Variants in AHDC1 observed in about 807,000 individuals in gnomAD.
AHDC1 encodes the protein transcription factor Gibbin.
Under a neutral mutation model 87.9 loss-of-function variants are expected in AHDC1, and 7 were observed. The observed-to-expected ratio is 0.08, with a 90% CI of 0.05 to 0.15. AHDC1 has a LOEUF of 0.15. Among genes scored for constraint, AHDC1 ranks in the 10% least tolerant of loss-of-function variants. The pLI, the probability that AHDC1 is intolerant of heterozygous loss-of-function variation, is 1.00. For missense variants in AHDC1, 1,841 were observed against 2,253.2 expected, an observed-to-expected ratio of 0.82 and a Z score of 3.70; for synonymous variants, 1,051 against 1,006.8, an observed-to-expected ratio of 1.04 and a Z score of -0.83.
At chr1:27,579,038 C>A (rs1046424935) in intron 3 of AHDC1, among the ~76,000 whole-genome samples, 1 of 147,070 alleles carries the variant, frequency 6.8e-6, no homozygotes, top group Admixed American at 6.8e-5. Flanking sequence ...TAGTCCTGTT[C>A]TAAATCTTTT....
intron 5 of AHDC1, among the ~76,000 whole-genome samples, chr1:27,554,213 G>C (rs1431747559): frequency 2.0e-5 from 3 of 152,192 alleles, no homozygotes; most frequent in African/African-American, 7.2e-5. Flanking sequence ...CTAAGAATGT[G>C]AAAAGGGACA....
At chr1:27,599,040 C>CAG (rs1171749719) in intron 3 of AHDC1, among the ~76,000 whole-genome samples, 1 of 152,206 alleles carries the variant, frequency 6.6e-6, no homozygotes, top group Non-Finnish European at 1.5e-5. Flanking sequence ...TGGGAGGACA[C>CAG]AGTCATCCCT....
In AHDC1 at chr1:27,562,356, C is replaced by T. The variant is rs189243095; in HGVS notation, c.-628-3473G>A. Among the ~76,000 whole-genome samples, 63 of 152,234 alleles carry T rather than the reference C, an allele frequency of 4.1e-4. No homozygotes were observed. The highest frequency in any genetic ancestry group is 1.0e-3 in the South Asian group (5 of 4,826). ...CTGATCGACTGACTACCTGAGCTCC[C>T]GGCCCGCGCAGAGCTGCCCCGATTA... On this transcript the variant is annotated intron_variant, in intron 3 of 8. Coordinates refer to ENST00000673934, the MANE Select transcript of AHDC1 (RefSeq NM_001371928.1). This position sits in a 1 kb window ranked among gnomAD's most constrained non-coding sequence, Gnocchi z 4.4.
Position 27,562,568 on chromosome 1 carries a change from C to T in AHDC1, c.-628-3685G>A, listed in dbSNP as rs1430699773. Among the ~76,000 whole-genome samples the T allele has an allele frequency of 6.6e-6, 1 of 152,200 alleles. No individual in the cohort carries two copies. Among genetic ancestry groups the T allele is most frequent in the African/African-American group, 2.4e-5 (1 of 41,438 alleles). On this transcript the variant is annotated intron_variant, in intron 3 of 8. Coordinates refer to ENST00000673934, the MANE Select transcript of AHDC1 (RefSeq NM_001371928.1). This position sits in a 1 kb window ranked among gnomAD's most constrained non-coding sequence, Gnocchi z 4.4. ...CCTTCTCCACACCATCTGAAGAATG[C>T]TGGGTCCCTCCCCCTGGGGAACAGT...
Position 27,548,831 on chromosome 1 carries a change from C to A in AHDC1, c.3285G>T (p.Ser1095=). 6.2e-7 allele frequency: 1 copy of A among 1,612,834 alleles called. No individual in the cohort carries two copies. The highest frequency in any genetic ancestry group is 8.5e-7 in the Non-Finnish European group (1 of 1,179,838). The stretch of plus-strand genomic sequence containing the variant: ...CCGCAAACTGCCGACAGTTCTCGGG[C>A]GAGGGCTGGAAGGAGGAGGAGGAGG... ...ASSSSSSFQP[S]PENCRQFAGA... is the part of the protein sequence containing the mutation. The change falls in exon 8 of 9, where the codon TCG becomes TCT. Residue 1095 remains serine, a synonymous_variant. Transcript: ENST00000673934.
intron 3 of AHDC1, among the ~76,000 whole-genome samples, chr1:27,602,206 C>A (rs1041318124): frequency 6.6e-6 from 1 of 151,986 alleles, no homozygotes; most frequent in Non-Finnish European, 1.5e-5. Flanking sequence ...AGGGGAGACT[C>A]CCCACCCCTC....
chr1:27,545,027 C>G (rs1339441612), intron 8 of AHDC1, among the ~76,000 whole-genome samples: 2 of 152,038 alleles, frequency 1.3e-5, no homozygotes, highest in African/African-American at 4.8e-5. Flanking sequence ...CCAGGCTTTC[C>G]ACACTGCTGT....
rs2019928376 is a variant in AHDC1 at position 27,558,552 on chromosome 1, TA to T, written c.-450-23del. 2 of 393,180 alleles carry T rather than the reference TA, an allele frequency of 5.1e-6. No homozygotes were observed. Among genetic ancestry groups the T allele is most frequent in the Non-Finnish European group, 9.0e-6 (2 of 223,314 alleles). The allele number at this position is 393,180 out of a possible 1,614,324, so 24.4% of individuals were successfully genotyped here. Reference sequence around the variant, plus strand: ...CTTTCTGGATAATGGGGAGTTTGAGTAAATGTTGGGTTAATATGTTTTGATT... The same window carrying T: ...CTTTCTGGATAATGGGGAGTTTGAGTAATGTTGGGTTAATATGTTTTGATT... On this transcript the variant is annotated intron_variant, in intron 4 of 8. Coordinates refer to ENST00000673934, the MANE Select transcript of AHDC1 (RefSeq NM_001371928.1). The surrounding 1 kb of genome is among the most constrained non-coding windows in gnomAD (Gnocchi z 5.6).
Position 27,549,051 on chromosome 1 carries a change from G to A in AHDC1, c.3065C>T (p.Pro1022Leu). 4 of 1,576,492 alleles carry A rather than the reference G, an allele frequency of 2.5e-6. No individual in the cohort carries two copies. The highest frequency in any genetic ancestry group is 2.6e-6 in the Non-Finnish European group (3 of 1,160,874). Reference protein sequence around the residue: ...PSSAHSAGYAPPPTGGPCLPP... With the variant: ...PSSAHSAGYALPPTGGPCLPP... ...CAGGCAGGGGCCCCCGGTAGGCGGT[G>A]GGGCATAGCCGGCGCTGTGGGCGCT... is the stretch of plus-strand genomic sequence containing the variant. Residue 1022 changes from proline (P) to leucine (L), a missense_variant, in exon 8 of 9, where the codon CCA becomes CTA. This residue lies in a region of AHDC1 where 378 missense variants were observed against 399.0 expected (regional missense o/e 0.95). Coordinates refer to ENST00000673934, the MANE Select transcript of AHDC1 (RefSeq NM_001371928.1).
chr1:27,550,808 T>A lies in AHDC1; in HGVS notation c.1308A>T (p.Pro436=), dbSNP rs963024802. ...GGCCTGGGCCTGGCAGGGCAGGGGG[T>A]GGAGGAGGCGGTGGTGGTGGGGGTT... is the stretch of plus-strand genomic sequence containing the variant. ...LAEPPPPPPP[P]PPALPGPGPV... is the part of the protein sequence containing the mutation. The change falls in exon 8 of 9, where the codon CCA becomes CCT. Residue 436 remains proline, a synonymous_variant. Transcript: ENST00000673934. 5 of 1,563,406 alleles carry A rather than the reference T, an allele frequency of 3.2e-6. No homozygotes were observed. In the African/African-American group the frequency reaches 5.4e-5, roughly 17 times the overall value.
rs748483716 is a variant in AHDC1, at chr1:27,551,710, G to C, written c.406C>G (p.Gln136Glu). 6.2e-7 allele frequency: 1 copy of C among 1,613,814 alleles called. No individual in the cohort carries two copies. Among genetic ancestry groups the C allele is most frequent in the Non-Finnish European group, 8.5e-7 (1 of 1,179,960 alleles). The change falls in exon 8 of 9, where the codon CAG (glutamine) becomes GAG (glutamate). Residue 136 changes from glutamine to glutamate, a missense_variant. Around this residue, in one of 13 missense-constraint regions of AHDC1, gnomAD observed 50 missense variants for 104.3 expected, o/e 0.48. Transcript: ENST00000673934. The stretch of plus-strand genomic sequence containing the variant: ...TGTACACCACTGTGCTGCAGGTCCT[G>C]GGAGAGGCGTGTCAGGTCCTTCATG... The part of the protein sequence containing the change: ...DIMKDLTRLS[Q>E]DLQHSGVHLD...
chr1:27,600,492 G>T, intron 3 of AHDC1, among the ~76,000 whole-genome samples: 1 of 151,850 alleles, frequency 6.6e-6, no homozygotes. Flanking sequence ...AATTGAAATT[G>T]ACCTGGGGGT....
chr1:27,577,158 G>T (rs1246121003), intron 3 of AHDC1, among the ~76,000 whole-genome samples: 1 of 152,200 alleles, frequency 6.6e-6, no homozygotes, highest in East Asian at 1.9e-4. Context: ...GGAAGCTTAG[G>T]CCCAAGAGGA....
chr1:27,553,932 G>A (rs910960167), intron 5 of AHDC1, among the ~76,000 whole-genome samples: 12 of 152,126 alleles, frequency 7.9e-5, no homozygotes, highest in South Asian at 4.1e-4. Context: ...GGGCATGGTG[G>A]TGCACACCTG....
chr1:27,603,176 T>G (rs1040495113), intron 3 of AHDC1, among the ~76,000 whole-genome samples: 1 of 29,364 alleles, frequency 3.4e-5, no homozygotes, highest in African/African-American at 1.3e-4. Context: ...CCCGTCCACC[T>G]CCCCCTCCCC....
intron 3 of AHDC1, among the ~76,000 whole-genome samples, chr1:27,559,827 A>AG (rs1248309025): frequency 6.6e-6 from 1 of 152,104 alleles, no homozygotes; most frequent in African/African-American, 2.4e-5. Flanking sequence ...TGGAGCCCAG[A>AG]GGGGGTCTGG....
At chr1:27,592,223 C>T (rs939176845) in intron 3 of AHDC1, among the ~76,000 whole-genome samples, 6 of 152,190 alleles carry the variant, frequency 3.9e-5, no homozygotes, top group African/African-American at 4.8e-5. Flanking sequence ...CTGCAACAGG[C>T]CACCAGCCAG....
At chr1:27,542,800 C>G (rs994977545) in intron 8 of AHDC1, among the ~76,000 whole-genome samples, 1 of 152,120 alleles carries the variant, frequency 6.6e-6, no homozygotes, top group Admixed American at 6.5e-5. Context: ...TCGGTATGGT[C>G]GTGGAGAGAT....
At chr1:27,540,651 G>T (rs2018862677) in intron 8 of AHDC1, among the ~76,000 whole-genome samples, 1 of 152,018 alleles carries the variant, frequency 6.6e-6, no homozygotes, top group Admixed American at 6.5e-5. Flanking sequence ...TGGGAGATGG[G>T]GTAGGAAAGG....
Sources: allele counts gnomAD v4.1 joint callset (sites outside exome capture counted in the v4.1 genomes callset), GRCh38; gene constraint gnomAD v4.1.1; regional missense constraint gnomAD v4.1.1; non-coding constraint Gnocchi (gnomAD v3.1); transcripts MANE v1.5; gene names NCBI Gene and HGNC (gene_info 2026-07-23, HGNC 2026-07-21).